The following RPA1 variants were observed in gnomAD, a reference collection of about 807,000 sequenced individuals.
RPA1 encodes replication protein A 70 kDa DNA-binding subunit.
A neutral mutation model predicts 83.0 loss-of-function variants in RPA1; 49 were observed. The observed-to-expected ratio is 0.59, with a 90% CI of 0.47 to 0.75. The LOEUF is 0.75. Ranked by LOEUF, RPA1 falls within the 30% of genes least tolerant of loss-of-function variation. RPA1 has a pLI of 0.00. For synonymous variants in RPA1, 279 were observed against 281.8 expected, an observed-to-expected ratio of 0.99 and a Z score of 0.10; for missense variants, 693 against 776.1, an observed-to-expected ratio of 0.89 and a Z score of 1.27.
chr17:1,832,091 C>G (rs968546593), intron 1 of RPA1, among the ~76,000 whole-genome samples: 1 of 151,574 alleles, frequency 6.6e-6, no homozygotes, highest in South Asian at 2.1e-4. Context: ...ACCACACCTG[C>G]GTAATTTTTT....
chr17:1,865,774 C>T (rs1913152647), intron 5 of RPA1, among the ~76,000 whole-genome samples: 1 of 152,118 alleles, frequency 6.6e-6, no homozygotes, highest in African/African-American at 2.4e-5. Flanking sequence ...TGTACACTAT[C>T]GTGTCTTTTT....
At chr17:1,830,244 T>TTG in intron 1 of RPA1, 118 bp downstream of exon 1, 3 of 184,692 alleles carry the variant, frequency 1.6e-5, no homozygotes, top group Non-Finnish European at 2.5e-5. Flanking sequence ...GGGGAGGAGA[T>TTG]GGCGGGGGGC....
chr17:1,848,054 A>G (rs1469538283), intron 4 of RPA1, among the ~76,000 whole-genome samples: 1 of 152,180 alleles, frequency 6.6e-6, no homozygotes, highest in African/African-American at 2.4e-5. Flanking sequence ...CCATAGAAAC[A>G]AATTCAATGA....
intron 1 of RPA1, among the ~76,000 whole-genome samples, chr17:1,833,154 T>G (rs1391928637): frequency 6.9e-6 from 1 of 144,480 alleles, no homozygotes; most frequent in African/African-American, 2.5e-5. Flanking sequence ...CTTGAACTCC[T>G]GGCCTCGAGA....
At chr17:1,866,518 T>C (rs556961286) in intron 5 of RPA1, among the ~76,000 whole-genome samples, 2 of 152,314 alleles carry the variant, frequency 1.3e-5, no homozygotes, top group South Asian at 2.1e-4. Context: ...GGTTTTACCA[T>C]GTTGGCCAGG....
At chr17:1,866,672 G>C (rs1913188153) in intron 5 of RPA1, among the ~76,000 whole-genome samples, 1 of 151,936 alleles carries the variant, frequency 6.6e-6, no homozygotes, top group African/African-American at 2.4e-5. Context: ...TGTTGGCCAG[G>C]CTGGTCTCAA....
intron 6 of RPA1, among the ~76,000 whole-genome samples, chr17:1,875,002 T>G (rs1293751404): frequency 6.6e-6 from 1 of 152,244 alleles, no homozygotes; most frequent in African/African-American, 2.4e-5. Flanking sequence ...AGAACTCACC[T>G]GATTCCCTGT....
At chr17:1,894,906 C>A in intron 15 of RPA1, 103 bp from the exon 16 acceptor site, 1 of 827,254 alleles carries the variant, frequency 1.2e-6, no homozygotes, top group Non-Finnish European at 2.0e-6. Context: ...TAATTTGAAA[C>A]TACCCAGGAG....
At chr17:1,840,950 C>A (rs1912023668) in intron 1 of RPA1, among the ~76,000 whole-genome samples, 1 of 151,986 alleles carries the variant, frequency 6.6e-6, no homozygotes, top group African/African-American at 2.4e-5. Context: ...GCCTGTAACC[C>A]CAGCTACGCG....
chr17:1,871,974 C>T (rs943168197), intron 5 of RPA1, among the ~76,000 whole-genome samples: 1 of 152,156 alleles, frequency 6.6e-6, no homozygotes, highest in African/African-American at 2.4e-5. Context: ...TCCTTTGAAG[C>T]AGGAGCACTT....
intron 5 of RPA1, among the ~76,000 whole-genome samples, chr17:1,861,385 C>T (rs922164575): frequency 1.3e-5 from 2 of 152,168 alleles, no homozygotes; most frequent in Non-Finnish European, 2.9e-5. Context: ...GAAAACCATG[C>T]GTCTCACGTA....
chr17:1,852,338 ACAAAG>A (rs1223964351), intron 4 of RPA1, among the ~76,000 whole-genome samples: 2 of 152,260 alleles, frequency 1.3e-5, no homozygotes, highest in South Asian at 4.1e-4. Context: ...AAAGACTAGA[ACAAAG>A]CAACCTGATC....
chr17:1,832,150 T>C (rs35063956), intron 1 of RPA1, among the ~76,000 whole-genome samples: 32,428 of 150,312 alleles, frequency 0.22, 3,670 homozygotes, highest in Admixed American at 0.25. Flanking sequence ...AGGCTGGTCT[T>C]GAACTCCCAA....
intron 4 of RPA1, among the ~76,000 whole-genome samples, chr17:1,849,067 T>C (rs185501282): frequency 6.6e-6 from 1 of 152,314 alleles, no homozygotes; most frequent in African/African-American, 2.4e-5. Flanking sequence ...ATTGCTAGGC[T>C]AAATGGTCAT....
At chr17:1,831,898 CTTTTTTTTTTTT>C (rs138268342) in intron 1 of RPA1, among the ~76,000 whole-genome samples, 77 of 37,844 alleles carry the variant, frequency 2.0e-3, no homozygotes, top group Admixed American at 6.0e-3. Context: ...TGTGCCCGGC[CTTTTTTTTTTTT>C]TTTTTTTTTT....
At position 1,880,622 on chromosome 17, in the gene RPA1, T is replaced by C. The variant is rs1913755041; in HGVS notation, c.1172T>C (p.Leu391Pro). Reference sequence around the variant, plus strand: ...GTCTCTGATTTCGGTGGACGGAGCCTCTCCGTGCTGTCTTCAAGCACTATC... The same window carrying C: ...GTCTCTGATTTCGGTGGACGGAGCCCCTCCGTGCTGTCTTCAAGCACTATC... ...ARVSDFGGRS[L>P]SVLSSSTIIA... Residue 391 changes from leucine (L) to proline (P), a missense_variant, in exon 12 of 17, where the codon CTC becomes CCC. By Grantham distance (98) the Leu-to-Pro change is moderately conservative. Transcript: ENST00000254719. The C allele has an allele frequency of 6.2e-7, 1 of 1,613,996 alleles. No individual in the cohort carries two copies. Among genetic ancestry groups the C allele is most frequent in the African/African-American group, 1.3e-5 (1 of 74,924 alleles).
intron 11 of RPA1, among the ~76,000 whole-genome samples, chr17:1,880,146 GGAGGGGGCGTCT>G (rs1567822577): frequency 6.6e-6 from 1 of 151,896 alleles, no homozygotes; most frequent in Admixed American, 6.6e-5. Context: ...TGGGGTTGGC[GGAGGGGGCGTCT>G]TGTCCTATAG....
At position 1,884,041 on chromosome 17, in the gene RPA1, A is replaced by T; in HGVS notation, c.1374+97A>T. The T allele has an allele frequency of 1.3e-6, 2 of 1,535,192 alleles. No individual in the cohort carries two copies. Among genetic ancestry groups the T allele is most frequent in the Non-Finnish European group, 1.8e-6 (2 of 1,126,132 alleles). On this transcript the variant is annotated intron_variant, in intron 13 of 16. Coordinates refer to ENST00000254719, the MANE Select transcript of RPA1 (RefSeq NM_002945.5). The surrounding 1 kb of genome is among the most constrained non-coding windows in gnomAD (Gnocchi z 4.1). ...TTCCAGCACCAGCTGTCAGAGCCGT[A>T]ATTCTTACCCGGGGCTGTGACCTGA...
intron 4 of RPA1, among the ~76,000 whole-genome samples, chr17:1,851,765 G>C (rs1442055456): frequency 6.6e-6 from 1 of 152,140 alleles, no homozygotes; most frequent in Non-Finnish European, 1.5e-5. Context: ...GTATCAGATA[G>C]TTATTACAGG....
Sources: allele counts gnomAD v4.1 joint callset (sites outside exome capture counted in the v4.1 genomes callset), GRCh38; gene constraint gnomAD v4.1.1; non-coding constraint Gnocchi (gnomAD v3.1); transcripts MANE v1.5; gene names NCBI Gene and HGNC (gene_info 2026-07-23, HGNC 2026-07-21).